Variants in ZNF384 observed in about 807,000 individuals in gnomAD.
ZNF384 encodes zinc finger protein 384, also known as CAG repeat protein 1.
ZNF384 carries 20 observed loss-of-function variants against 65.0 expected under a neutral mutation model. The ratio of observed to expected loss-of-function variants is 0.31; its 90% CI spans 0.22 to 0.45. The LOEUF is 0.45. ZNF384 is among the 20% of genes least tolerant of loss of function. The probability of loss-of-function intolerance (pLI) is 1.00; values close to 1 mark genes in which losing one functional copy is unlikely to be tolerated. For synonymous variants in ZNF384, 310 were observed against 303.9 expected (o/e 1.02, Z -0.21); for missense variants, 549 against 769.4 (o/e 0.71, Z 3.39).
At position 6,678,506 on chromosome 12, in the gene ZNF384, GATCCTA is replaced by G; in HGVS notation, c.353-52_353-47del. The G allele has an allele frequency of 6.5e-7, 1 of 1,548,038 alleles. No individual in the cohort carries two copies. Among genetic ancestry groups the G allele is most frequent in the Non-Finnish European group, 8.8e-7 (1 of 1,137,878 alleles). On this transcript the variant is annotated intron_variant, in intron 5 of 11. Transcript: ENST00000683879. The surrounding 1 kb of genome is among the most constrained non-coding windows in gnomAD (Gnocchi z 4.9). ...AGATGGCGTCATGTTGTTCAGTCCT[GATCCTA>G]ATCCTATTTCATTTCCCCCAGATCA... is the stretch of plus-strand genomic sequence containing the variant.
In ZNF384 at chr12:6,669,073, G is replaced by T. The variant is rs765067826; in HGVS notation, c.1383C>A (p.Ala461=). 7.4e-6 allele frequency: 12 copies of T among 1,613,838 alleles called. No homozygotes were observed. Among genetic ancestry groups the T allele is most frequent in the Non-Finnish European group, 1.0e-5 (12 of 1,179,830 alleles). The change falls in exon 11 of 12, where the codon GCC becomes GCA. Residue 461 remains alanine, a synonymous_variant. Coordinates refer to ENST00000683879, the MANE Select transcript of ZNF384 (RefSeq NM_001385745.1). ...TGCAGATAGTGCAGGTGTACACCTT[G>T]GCATGCTTCACTGTGTGCGTAGACA... The part of the protein sequence containing the change: ...VHLSTHTVKH[A]KVYTCTICSR...
intron 2 of ZNF384, among the ~76,000 whole-genome samples, chr12:6,687,608 T>C (rs1475411605): frequency 6.6e-6 from 1 of 152,182 alleles, no homozygotes; most frequent in Non-Finnish European, 1.5e-5. Context: ...CCGTACAGTT[T>C]TATCCACTTC....
At chr12:6,675,130 A>G (rs1392496348) in intron 7 of ZNF384, among the ~76,000 whole-genome samples, 1 of 152,250 alleles carries the variant, frequency 6.6e-6, no homozygotes, top group Admixed American at 6.5e-5. Flanking sequence ...AAAGTTTCCA[A>G]TAAGAGAACT....
Position 6,683,425 on chromosome 12 carries a change from C to T in ZNF384, c.-5-3900G>A, listed in dbSNP as rs139501416. 2.2e-3 allele frequency among the ~76,000 whole-genome samples: 334 copies of T among 151,706 alleles called. 1 individual carries two copies. Among genetic ancestry groups the T allele is most frequent in the African/African-American group, 7.5e-3 (312 of 41,368 alleles). Reference sequence around the variant, plus strand: ...GGGTGTGGTGGCTCATGCCTGTAATCCTAACACTTTGGGAGGGCGAGGTAG... The same window carrying T: ...GGGTGTGGTGGCTCATGCCTGTAATTCTAACACTTTGGGAGGGCGAGGTAG... On this transcript the variant is annotated intron_variant, in intron 2 of 11. Coordinates refer to ENST00000683879, the MANE Select transcript of ZNF384 (RefSeq NM_001385745.1).
rs1387666183 is a variant in ZNF384, at chr12:6,678,329, G to A, written c.484C>T (p.Pro162Ser). The A allele has an allele frequency of 6.2e-7, 1 of 1,614,134 alleles. No homozygotes were observed. The part of the protein sequence containing the change: ...PPGSQALQVV[P>S]DLSKKVASTL... Reference sequence around the variant, plus strand: ...GATGCTACCTTCTTGGAGAGGTCAGGGACAACCTGCAGGGCTTGTGAGCCA... The same window carrying A: ...GATGCTACCTTCTTGGAGAGGTCAGAGACAACCTGCAGGGCTTGTGAGCCA... Residue 162 changes from proline (P) to serine (S), a missense_variant, in exon 6 of 12, where the codon CCT (proline) becomes TCT (serine). By Grantham distance (74) the Pro-to-Ser change is moderately conservative. Coordinates refer to ENST00000683879, the MANE Select transcript of ZNF384 (RefSeq NM_001385745.1). This position sits in a 1 kb window ranked among gnomAD's most constrained non-coding sequence, Gnocchi z 4.9.
Position 6,670,750 on chromosome 12 carries a change from G to C in ZNF384, c.1266+10C>G, listed in dbSNP as rs1951211716. 6.2e-7 allele frequency: 1 copy of C among 1,613,670 alleles called. No individual in the cohort carries two copies. Among genetic ancestry groups the C allele is most frequent in the Non-Finnish European group, 8.5e-7 (1 of 1,179,636 alleles). On this transcript the variant is annotated intron_variant, in intron 10 of 11. Transcript: ENST00000683879. ...GACTCAAGGTCTTGTGTGGAGGGTG[G>C]AACATTTACCTGCAGATTGGAGAGT...
At chr12:6,683,132 A>T (rs542514841) in intron 2 of ZNF384, among the ~76,000 whole-genome samples, 2 of 151,580 alleles carry the variant, frequency 1.3e-5, no homozygotes, top group African/African-American at 4.9e-5. Flanking sequence ...CTCTACTAAA[A>T]ATACAAAAAT....
Position 6,667,519 on chromosome 12 carries a change from T to G in ZNF384, c.*195A>C. 2 of 757,196 alleles carry G rather than the reference T, an allele frequency of 2.6e-6. No individual in the cohort carries two copies. The highest frequency in any genetic ancestry group is 4.6e-6 in the Non-Finnish European group (2 of 437,470). The allele number at this position is 757,196 out of a possible 1,614,324, so 46.9% of individuals were successfully genotyped here. ...CCATCAGCTCAGTATTCCTTTGCAA[T>G]CAGGAGGGCTGATGTTCCTTTTGAA... is the stretch of plus-strand genomic sequence containing the variant. On this transcript the variant is annotated 3_prime_UTR_variant, in exon 12 of 12. Coordinates refer to ENST00000683879, the MANE Select transcript of ZNF384 (RefSeq NM_001385745.1).
At position 6,667,944 on chromosome 12, in the gene ZNF384, G is replaced by C; in HGVS notation, c.1597C>G (p.Gln533Glu). The C allele has an allele frequency of 6.2e-7, 1 of 1,610,686 alleles. No homozygotes were observed. Among genetic ancestry groups the C allele is most frequent in the South Asian group, 1.1e-5 (1 of 90,858 alleles). Residue 533 changes from glutamine (Q) to glutamate (E), a missense_variant, in exon 12 of 12, where the codon CAG becomes GAG. Around this residue, in one of 5 missense-constraint regions of ZNF384, gnomAD observed 136 missense variants for 183.0 expected, o/e 0.74. Transcript: ENST00000683879. Reference sequence around the variant, plus strand: ...TGCTGCTGCTGCTGCTGCTGCTGCTGCTGTGATGCCTGGGAGGCCTGGGCC... The same window carrying C: ...TGCTGCTGCTGCTGCTGCTGCTGCTCCTGTGATGCCTGGGAGGCCTGGGCC... ...AQAQASQASQ[Q>E]QQQQQQQQQQ...
At chr12:6,679,294 C>T in intron 3 of ZNF384, 111 bp from the exon 4 acceptor site, 1 of 1,228,818 alleles carries the variant, frequency 8.1e-7, no homozygotes, top group Non-Finnish European at 1.2e-6. Flanking sequence ...AGGATGAGCA[C>T]TTCATACCTC....
intron 7 of ZNF384, among the ~76,000 whole-genome samples, chr12:6,676,215 G>C (rs531030614): frequency 7.2e-5 from 11 of 152,236 alleles, no homozygotes; most frequent in Admixed American, 1.3e-4. Flanking sequence ...CACGAGAATC[G>C]CTTGAACCTG....
intron 7 of ZNF384, 130 bp downstream of exon 7, chr12:6,677,037 C>T: frequency 3.1e-6 from 1 of 323,916 alleles, no homozygotes; most frequent in South Asian, 2.4e-5. Context: ...AATTTCTTAA[C>T]TTTCTTTTGA....
At chr12:6,688,317 A>T (rs746334767) in intron 1 of ZNF384, 91 bp from the exon 2 acceptor site, 1 of 152,602 alleles carries the variant, frequency 6.6e-6, no homozygotes, top group East Asian at 1.9e-4. Flanking sequence ...GTCAGCAGTC[A>T]GTCTGGAAGG....
At chr12:6,679,628 G>T in intron 2 of ZNF384, 103 bp from the exon 3 acceptor site, 1 of 850,612 alleles carries the variant, frequency 1.2e-6, no homozygotes, top group Non-Finnish European at 1.9e-6. Context: ...TCTGGCACCT[G>T]ATCACATGGC....
Position 6,669,056 on chromosome 12 carries a change from G to A in ZNF384, c.1400C>T (p.Thr467Ile). The change falls in exon 11 of 12, where the codon ACT becomes ATT. Residue 467 changes from threonine (T) to isoleucine (I), a missense_variant. Transcript: ENST00000683879. Reference sequence around the variant, plus strand: ...TGATGTGTATGCCCGACTGCAGATAGTGCAGGTGTACACCTTGGCATGCTT... The same window carrying A: ...TGATGTGTATGCCCGACTGCAGATAATGCAGGTGTACACCTTGGCATGCTT... The part of the protein sequence containing the change: ...TVKHAKVYTC[T>I]ICSRAYTSET... 1 of 1,612,392 alleles carries A rather than the reference G, an allele frequency of 6.2e-7. No individual in the cohort carries two copies. The highest frequency in any genetic ancestry group is 8.5e-7 in the Non-Finnish European group (1 of 1,178,876).
chr12:6,680,694 T>G (rs1955603133), intron 2 of ZNF384, among the ~76,000 whole-genome samples: 1 of 150,198 alleles, frequency 6.7e-6, no homozygotes, highest in Non-Finnish European at 1.5e-5. Flanking sequence ...GAGTACCAAC[T>G]ACTATCTGAA....
At position 6,667,950 on chromosome 12, in the gene ZNF384, AT is replaced by A. The variant is rs1950170935; in HGVS notation, c.1590del (p.Ser531HisfsTer49). 1 of 1,607,974 alleles carries A rather than the reference AT, an allele frequency of 6.2e-7. No individual in the cohort carries two copies. Among genetic ancestry groups the A allele is most frequent in the African/African-American group, 1.3e-5 (1 of 74,376 alleles). The part of the protein sequence containing the change: ...QAQAQAQASQ[A>X]SQQQQQQQQQ... ...TGCTGCTGCTGCTGCTGCTGCTGTG[AT>A]GCCTGGGAGGCCTGGGCCTGGGCCT... On this transcript the variant is annotated frameshift_variant, in exon 12 of 12. Coordinates refer to ENST00000683879, the MANE Select transcript of ZNF384 (RefSeq NM_001385745.1). LOFTEE classifies it high-confidence loss of function.
In ZNF384 at chr12:6,672,763, C is replaced by T. The variant is rs777544575; in HGVS notation, c.1005-231G>A. ...CAGTGAGATGATGAAGAGCTGCAAC[C>T]CATGGCTCCTGGTAACCTTAAAGTA... is the stretch of plus-strand genomic sequence containing the variant. On this transcript the variant is annotated intron_variant, in intron 8 of 11. Transcript: ENST00000683879. This position sits in a 1 kb window ranked among gnomAD's most constrained non-coding sequence, Gnocchi z 4.4. Among the ~76,000 whole-genome samples, 12 of 152,098 alleles carry T rather than the reference C, an allele frequency of 7.9e-5. No individual in the cohort carries two copies. The highest frequency in any genetic ancestry group is 1.5e-4 in the Non-Finnish European group (10 of 68,012).
At chr12:6,679,407 G>A in intron 3 of ZNF384, 48 bp downstream of exon 3, 1 of 1,540,380 alleles carries the variant, frequency 6.5e-7, no homozygotes, top group East Asian at 2.3e-5. Context: ...CATAGTAACA[G>A]AACTTACTAC....
Sources: gnomAD v4.1 joint callset for allele counts (sites outside exome capture counted in the v4.1 genomes callset) on GRCh38, gnomAD v4.1.1 for gene constraint, gnomAD v4.1.1 regional missense constraint, Gnocchi (gnomAD v3.1) non-coding constraint, MANE v1.5 for transcripts, NCBI Gene and HGNC (gene_info 2026-07-23, HGNC 2026-07-21) for gene names.